FHIT: variants seen among roughly 807,000 people sequenced by gnomAD.
FHIT encodes the protein fragile histidine triad diadenosine triphosphatase, also known as bis(5'-adenosyl)-triphosphatase.
A neutral mutation model predicts 17.9 loss-of-function variants in FHIT; 19 were observed. That is an observed-to-expected ratio of 1.06 (90% CI 0.74 to 1.56). The LOEUF (loss-of-function observed/expected upper bound fraction) is 1.56. Ranked by LOEUF, FHIT falls within the 40% of genes most tolerant of loss-of-function variation. The probability of loss-of-function intolerance (pLI) is 0.00; values close to 1 mark genes in which losing one functional copy is unlikely to be tolerated. For missense variants in FHIT, 248 were observed against 189.2 expected, an observed-to-expected ratio of 1.31 and a Z score of -1.82; for synonymous variants, 81 against 69.7, an observed-to-expected ratio of 1.16 and a Z score of -0.81.
intron 3 of FHIT, among the ~76,000 whole-genome samples, chr3:61,029,018 A>AG (rs1477054457): frequency 6.6e-6 from 1 of 152,182 alleles, no homozygotes; most frequent in Non-Finnish European, 1.5e-5. Context: ...GGCTAGACCA[A>AG]GGCTCTTCCA....
intron 4 of FHIT, among the ~76,000 whole-genome samples, chr3:60,815,199 TCTGTTGA>T (rs1359025404): frequency 4.6e-5 from 7 of 152,186 alleles, no homozygotes; most frequent in Non-Finnish European, 8.8e-5. Context: ...GGTTGTTTAC[TCTGTTGA>T]CAGTTTCTTT....
intron 5 of FHIT, among the ~76,000 whole-genome samples, chr3:60,460,361 A>G (rs534806753): frequency 3.9e-5 from 6 of 152,136 alleles, no homozygotes; most frequent in Non-Finnish European, 8.8e-5. Context: ...TGGGAATCAC[A>G]GCTTCCTTCC....
At chr3:61,180,909 T>C (rs1009018088) in intron 2 of FHIT, among the ~76,000 whole-genome samples, 1 of 152,224 alleles carries the variant, frequency 6.6e-6, no homozygotes, top group South Asian at 2.1e-4. Flanking sequence ...ATAGTAATCA[T>C]TTTAGGCCTG....
chr3:59,834,615 G>A (rs373499296), intron 8 of FHIT, among the ~76,000 whole-genome samples: 7 of 152,254 alleles, frequency 4.6e-5, no homozygotes, highest in East Asian at 1.9e-4. Flanking sequence ...GTATCCTCAC[G>A]TGGTGGAAAA....
intron 8 of FHIT, among the ~76,000 whole-genome samples, chr3:59,860,726 G>A (rs1271154510): frequency 6.6e-6 from 1 of 152,156 alleles, no homozygotes; most frequent in Admixed American, 6.6e-5. Context: ...TTCTAATACA[G>A]GGTAGAACAG....
chr3:60,261,925 C>T (rs188025139), intron 5 of FHIT, among the ~76,000 whole-genome samples: 49 of 152,126 alleles, frequency 3.2e-4, no homozygotes, highest in African/African-American at 1.1e-3. Flanking sequence ...ACAAACAGGC[C>T]TTCCCAAGTC....
intron 3 of FHIT, among the ~76,000 whole-genome samples, chr3:60,860,644 TATGTAC>T (rs1553751764): frequency 4.6e-5 from 5 of 107,614 alleles, no homozygotes; most frequent in African/African-American, 1.8e-4. Context: ...ATATGATACA[TATGTAC>T]ATATATCAGG....
At chr3:60,604,325 G>A (rs1423693879) in intron 4 of FHIT, among the ~76,000 whole-genome samples, 4 of 152,006 alleles carry the variant, frequency 2.6e-5, no homozygotes, top group African/African-American at 9.7e-5. Flanking sequence ...TAAAGGCCTT[G>A]GTCAGCTTCT....
chr3:61,112,131 C>T (rs987787542), intron 2 of FHIT, among the ~76,000 whole-genome samples: 2 of 152,156 alleles, frequency 1.3e-5, no homozygotes, highest in African/African-American at 4.8e-5. Flanking sequence ...CTTCAAAGTC[C>T]ATGCCCTTAA....
At chr3:61,179,848 G>A (rs1394281001) in intron 2 of FHIT, among the ~76,000 whole-genome samples, 1 of 151,976 alleles carries the variant, frequency 6.6e-6, no homozygotes, top group African/African-American at 2.4e-5. Context: ...TGGCATCAGA[G>A]TGTCATGTTC....
chr3:60,105,241 T>C (rs1364312040), intron 5 of FHIT, among the ~76,000 whole-genome samples: 2 of 152,202 alleles, frequency 1.3e-5, no homozygotes, highest in Non-Finnish European at 2.9e-5. Flanking sequence ...ATAGGCTGCC[T>C]GCCCTACTTT....
In FHIT at chr3:60,851,502, G is replaced by A. The variant is rs549341345; in HGVS notation, c.-110-29491C>T. ...TTTCTAAGAGGCATATATTCATTGA[G>A]GGGAACGTCTAACAGAATGACCTAT... is the stretch of plus-strand genomic sequence containing the variant. On this transcript the variant is annotated intron_variant, in intron 3 of 9. Coordinates refer to ENST00000492590, the MANE Select transcript of FHIT (RefSeq NM_002012.4). Among the ~76,000 whole-genome samples, 11 of 152,226 alleles carry A rather than the reference G, an allele frequency of 7.2e-5. 1 individual carries two copies. The highest frequency in any genetic ancestry group is 2.6e-4 in the African/African-American group (11 of 41,528).
chr3:60,790,984 T>C (rs1282925382), intron 4 of FHIT, among the ~76,000 whole-genome samples: 6 of 152,288 alleles, frequency 3.9e-5, no homozygotes, highest in African/African-American at 1.2e-4. Context: ...AAATCGTCTG[T>C]TTTTTAAAAT....
chr3:61,214,738 C>T (rs956417838), intron 1 of FHIT, among the ~76,000 whole-genome samples: 6 of 152,224 alleles, frequency 3.9e-5, no homozygotes, highest in Non-Finnish European at 8.8e-5. Flanking sequence ...CCTTGATGAA[C>T]ATTGATGCAA....
At chr3:61,117,710 CCTAG>C (rs1479631655) in intron 2 of FHIT, among the ~76,000 whole-genome samples, 9 of 152,156 alleles carry the variant, frequency 5.9e-5, no homozygotes, top group African/African-American at 2.2e-4. Context: ...GTGTCTTGGA[CCTAG>C]CTAGAGTAGA....
At chr3:61,211,804 C>T (rs555803856) in intron 1 of FHIT, among the ~76,000 whole-genome samples, 1 of 152,178 alleles carries the variant, frequency 6.6e-6, no homozygotes, top group Non-Finnish European at 1.5e-5. Flanking sequence ...TCCTCTGAGA[C>T]AAAACTTCCA....
intron 7 of FHIT, among the ~76,000 whole-genome samples, chr3:59,979,144 T>C (rs1282585447): frequency 2.0e-5 from 3 of 152,130 alleles, no homozygotes; most frequent in Non-Finnish European, 1.5e-5. Context: ...AATGTCACAC[T>C]GAGGCTGAGA....
chr3:60,927,148 C>A (rs532841506), intron 3 of FHIT, among the ~76,000 whole-genome samples: 3 of 152,164 alleles, frequency 2.0e-5, no homozygotes, highest in Non-Finnish European at 4.4e-5. Context: ...TGCAGGCGTG[C>A]GCTGCTAAGC....
At chr3:60,604,591 C>T (rs1221993968) in intron 4 of FHIT, among the ~76,000 whole-genome samples, 4 of 152,130 alleles carry the variant, frequency 2.6e-5, no homozygotes, top group Non-Finnish European at 5.9e-5. Context: ...CAGCTCTGAC[C>T]AGGTCACTGC....
Sources: gnomAD v4.1 joint callset for allele counts (sites outside exome capture counted in the v4.1 genomes callset) on GRCh38, gnomAD v4.1.1 for gene constraint, MANE v1.5 for transcripts, NCBI Gene and HGNC (gene_info 2026-07-23, HGNC 2026-07-21) for gene names.